TUSC3: variants seen among roughly 807,000 people sequenced by gnomAD.
The protein encoded by TUSC3 is dolichyl-diphosphooligosaccharide--protein glycosyltransferase subunit TUSC3.
A neutral mutation model predicts 44.8 loss-of-function variants in TUSC3; 45 were observed. The observed-to-expected ratio is 1.00, with a 90% CI of 0.79 to 1.29. The LOEUF (loss-of-function observed/expected upper bound fraction) is 1.29. Among genes scored for constraint, TUSC3 ranks in the 50% most tolerant of loss-of-function variants. The probability of loss-of-function intolerance (pLI) is 0.00; values close to 1 mark genes in which losing one functional copy is unlikely to be tolerated. For synonymous variants in TUSC3, 212 were observed against 152.9 expected (o/e 1.39, Z -2.85); for missense variants, 519 against 437.9 (o/e 1.19, Z -1.65).
chr8:15,512,931 C>CATATAT (rs10696221), intron 2 of TUSC3, among the ~76,000 whole-genome samples: 5,744 of 110,022 alleles, frequency 0.052, 212 homozygotes, highest in East Asian at 0.13. Flanking sequence ...TATATATAAT[C>CATATAT]ATATATATAT....
At chr8:15,692,800 G>C (rs1003969338) in intron 6 of TUSC3, among the ~76,000 whole-genome samples, 1 of 151,886 alleles carries the variant, frequency 6.6e-6, no homozygotes, top group African/African-American at 2.4e-5. Context: ...TGGACTGTGT[G>C]GTTATGTCAG....
the TUSC3 span, among the ~76,000 whole-genome samples, chr8:15,795,143 G>A: frequency 2.0e-5 from 3 of 152,070 alleles, no homozygotes; most frequent in African/African-American, 7.2e-5. Context: ...CTCAATCATG[G>A]CTCCTGGGAT....
chr8:15,763,482 T>TG (rs909288292), intron 10 of TUSC3, among the ~76,000 whole-genome samples: 5 of 152,012 alleles, frequency 3.3e-5, no homozygotes, highest in African/African-American at 1.2e-4. Flanking sequence ...GGTTTGTCTC[T>TG]GGTTGCCTTG....
intron 2 of TUSC3, among the ~76,000 whole-genome samples, chr8:15,525,399 A>C (rs1466614390): frequency 6.6e-6 from 1 of 152,196 alleles, no homozygotes; most frequent in Non-Finnish European, 1.5e-5. Flanking sequence ...GATTCTGTTA[A>C]ATTCTAACAA....
intron 2 of TUSC3, among the ~76,000 whole-genome samples, chr8:15,645,294 A>G (rs994149059): frequency 1.3e-5 from 2 of 152,086 alleles, no homozygotes; most frequent in Non-Finnish European, 2.9e-5. Context: ...CTTACATTCT[A>G]TTACTTGAAC....
At chr8:15,823,272 T>C in the TUSC3 span, among the ~76,000 whole-genome samples, 4 of 152,148 alleles carry the variant, frequency 2.6e-5, no homozygotes, top group Admixed American at 2.6e-4. Context: ...CCTACTTTTC[T>C]GGTGAAGTCC....
chr8:15,498,205 T>C (rs1159895120), intron 2 of TUSC3, among the ~76,000 whole-genome samples: 1 of 152,194 alleles, frequency 6.6e-6, no homozygotes, highest in African/African-American at 2.4e-5. Flanking sequence ...TATTTAGGAA[T>C]GTAGGTTTTA....
rs373565575 is a variant in TUSC3, at chr8:15,573,202, C to CTATATATA, written c.138+32655_138+32662dup. On this transcript the variant is annotated intron_variant, in intron 1 of 10. Coordinates refer to ENST00000503731, the MANE Select transcript of TUSC3 (RefSeq NM_006765.4). ...TCTCTCTCTCTCTCTCTCTCTCTCTCTATATATATATATATATATATATAT... is the reference window on the plus strand; with the variant it reads ...TCTCTCTCTCTCTCTCTCTCTCTCTCTATATATATATATATATATATATATATATATAT... Among the ~76,000 whole-genome samples the CTATATATA allele has an allele frequency of 8.4e-3, 624 of 73,920 alleles. 4 individuals carry two copies. Among genetic ancestry groups the CTATATATA allele is most frequent in the Non-Finnish European group, 0.011 (446 of 41,408 alleles). The allele number at this position is 73,920 out of a possible 152,430, so 48.5% of individuals were successfully genotyped here.
intron 2 of TUSC3, among the ~76,000 whole-genome samples, chr8:15,507,175 A>G (rs1801063147): frequency 6.6e-6 from 1 of 152,084 alleles, no homozygotes; most frequent in Non-Finnish European, 1.5e-5. Context: ...CCATAGTCCA[A>G]ACTATAGAGG....
intron 1 of TUSC3, among the ~76,000 whole-genome samples, chr8:15,425,533 G>A (rs1261787406): frequency 6.6e-6 from 1 of 152,204 alleles, no homozygotes; most frequent in Admixed American, 6.5e-5. Flanking sequence ...CAATATGTAT[G>A]TTGCCTGAAA....
the TUSC3 span, among the ~76,000 whole-genome samples, chr8:15,818,878 A>C: frequency 4.6e-5 from 7 of 152,150 alleles, no homozygotes. Context: ...GTATTGAAAT[A>C]TTTGCAATGT....
the TUSC3 span, among the ~76,000 whole-genome samples, chr8:15,797,846 C>G: frequency 6.6e-6 from 1 of 152,156 alleles, no homozygotes; most frequent in Non-Finnish European, 1.5e-5. Context: ...CAACGGCTGA[C>G]GTGTTGGGAG....
At chr8:15,598,597 C>G (rs909795704) in intron 1 of TUSC3, among the ~76,000 whole-genome samples, 1 of 151,892 alleles carries the variant, frequency 6.6e-6, no homozygotes, top group African/African-American at 2.4e-5. Context: ...GTCATACTTC[C>G]TCCTTCTCCA....
At chr8:15,845,218 T>G in the TUSC3 span, among the ~76,000 whole-genome samples, 1 of 152,134 alleles carries the variant, frequency 6.6e-6, no homozygotes, top group Non-Finnish European at 1.5e-5. Flanking sequence ...TCTAATCAGA[T>G]GTGGGCTAAG....
chr8:15,780,785 C>G, the TUSC3 span, among the ~76,000 whole-genome samples: 2 of 152,138 alleles, frequency 1.3e-5, no homozygotes, highest in African/African-American at 4.8e-5. Context: ...ACAGCTACCA[C>G]CTGAGGGGCT....
intron 1 of TUSC3, among the ~76,000 whole-genome samples, chr8:15,544,017 A>G (rs1801779546): frequency 6.6e-6 from 1 of 152,102 alleles, no homozygotes; most frequent in Admixed American, 6.6e-5. Flanking sequence ...ATGTTTTGTT[A>G]TATTCCCTGT....
the TUSC3 span, among the ~76,000 whole-genome samples, chr8:15,825,438 G>A: frequency 6.6e-6 from 1 of 152,062 alleles, no homozygotes; most frequent in African/African-American, 2.4e-5. Flanking sequence ...CTTATTCATT[G>A]TCACAAGAAC....
At chr8:15,730,835 A>G in intron 7 of TUSC3, 106 bp downstream of exon 7, 1 of 1,098,770 alleles carries the variant, frequency 9.1e-7, no homozygotes, top group South Asian at 1.4e-5. Context: ...AAGAGACATT[A>G]AATTTTAGGC....
intron 6 of TUSC3, among the ~76,000 whole-genome samples, chr8:15,726,003 C>G (rs973249365): frequency 7.9e-5 from 12 of 152,138 alleles, no homozygotes; most frequent in African/African-American, 2.2e-4. Context: ...TACCCTAGCT[C>G]TCTTTTCAAG....
Sources: allele counts gnomAD v4.1 joint callset (sites outside exome capture counted in the v4.1 genomes callset), GRCh38; gene constraint gnomAD v4.1.1; transcripts MANE v1.5; gene names NCBI Gene and HGNC (gene_info 2026-07-23, HGNC 2026-07-21).